HIBADH: variants seen among roughly 807,000 people sequenced by gnomAD.
HIBADH encodes the protein 3-hydroxyisobutyrate dehydrogenase, also known as 3-hydroxyisobutyrate dehydrogenase, mitochondrial.
In HIBADH, 25 loss-of-function variants were observed where a neutral mutation model predicts 36.1. The observed-to-expected ratio is 0.69, with a 90% CI of 0.50 to 0.97. The LOEUF (loss-of-function observed/expected upper bound fraction) is 0.97, where lower values mean the gene tolerates loss of function less well. Ranked by LOEUF, HIBADH falls within the 50% of genes least tolerant of loss-of-function variation. The probability of loss-of-function intolerance (pLI) is 0.00; values close to 1 mark genes in which losing one functional copy is unlikely to be tolerated. For missense variants in HIBADH, 421 were observed against 418.0 expected, an observed-to-expected ratio of 1.01 and a Z score of -0.06; for synonymous variants, 160 against 149.5, an observed-to-expected ratio of 1.07 and a Z score of -0.51.
rs563699380 is a variant in HIBADH at position 27,577,505 on chromosome 7, A to C, written c.485-34405T>G. Among the ~76,000 whole-genome samples, 6 of 152,330 alleles carry C rather than the reference A, an allele frequency of 3.9e-5. No individual in the cohort carries two copies. In the East Asian group the frequency reaches 1.2e-3, roughly 29 times the overall value. ...TAAAATGAATACAAATCTTTTTAAA[A>C]GACCCATATCCTTGTAATAATAATT... On this transcript the variant is annotated intron_variant, in intron 4 of 7. Coordinates refer to ENST00000265395, the MANE Select transcript of HIBADH (RefSeq NM_152740.4).
intron 7 of HIBADH, among the ~76,000 whole-genome samples, chr7:27,527,649 G>C (rs1783923896): frequency 6.6e-6 from 1 of 152,136 alleles, no homozygotes. Flanking sequence ...TTTTCCAACA[G>C]CATGTGCCCA....
intron 4 of HIBADH, among the ~76,000 whole-genome samples, chr7:27,547,942 AAC>A (rs1784257349): frequency 6.6e-6 from 1 of 152,278 alleles, no homozygotes; most frequent in African/African-American, 2.4e-5. Context: ...TGCTTTTTCT[AAC>A]ACTTTCCTGT....
intron 4 of HIBADH, among the ~76,000 whole-genome samples, chr7:27,568,049 T>G (rs950584840): frequency 1.3e-5 from 2 of 152,198 alleles, no homozygotes; most frequent in Admixed American, 6.5e-5. Flanking sequence ...CATTGGTAAT[T>G]TTTAATCACA....
At chr7:27,611,343 T>C (rs1471648504) in intron 4 of HIBADH, among the ~76,000 whole-genome samples, 1 of 152,220 alleles carries the variant, frequency 6.6e-6, no homozygotes, top group Non-Finnish European at 1.5e-5. Flanking sequence ...GCTATAATGA[T>C]GCCCTGGGAG....
At chr7:27,576,697 C>A (rs1330235368) in intron 4 of HIBADH, among the ~76,000 whole-genome samples, 1 of 152,118 alleles carries the variant, frequency 6.6e-6, no homozygotes, top group Non-Finnish European at 1.5e-5. Flanking sequence ...TACTTAGCTC[C>A]TTAAAGTATA....
At chr7:27,556,948 T>C (rs148451983) in intron 4 of HIBADH, among the ~76,000 whole-genome samples, 1 of 152,192 alleles carries the variant, frequency 6.6e-6, no homozygotes, top group Non-Finnish European at 1.5e-5. Flanking sequence ...GAAACCTGCC[T>C]GTGCAACATG....
At chr7:27,526,789 T>A (rs1229565538) in intron 7 of HIBADH, among the ~76,000 whole-genome samples, 1 of 152,186 alleles carries the variant, frequency 6.6e-6, no homozygotes, top group African/African-American at 2.4e-5. Flanking sequence ...ATTTGAAGTG[T>A]GCTGACAATG....
chr7:27,539,715 T>C (rs1453497200), intron 5 of HIBADH, among the ~76,000 whole-genome samples: 3 of 152,156 alleles, frequency 2.0e-5, no homozygotes, highest in Admixed American at 1.3e-4. Flanking sequence ...CAAAAACCCA[T>C]GTATAACTTT....
At chr7:27,566,822 A>G (rs1784554580) in intron 4 of HIBADH, among the ~76,000 whole-genome samples, 1 of 152,118 alleles carries the variant, frequency 6.6e-6, no homozygotes, top group Non-Finnish European at 1.5e-5. Flanking sequence ...GTGTTATTCA[A>G]TTTCCAAATA....
intron 4 of HIBADH, among the ~76,000 whole-genome samples, chr7:27,560,506 T>C (rs2041715): frequency 0.8 from 121,121 of 152,176 alleles, 48,645 homozygotes; most frequent in East Asian, 0.97. Context: ...TGTATAGTGG[T>C]GAAGTCTGAG....
At chr7:27,593,202 T>G (rs1429697256) in intron 4 of HIBADH, among the ~76,000 whole-genome samples, 3 of 152,236 alleles carry the variant, frequency 2.0e-5, no homozygotes, top group Non-Finnish European at 4.4e-5. Context: ...GAGCACTTCC[T>G]CTGAGCATCA....
chr7:27,619,633 T>C (rs112510647), intron 4 of HIBADH, among the ~76,000 whole-genome samples: 3 of 151,834 alleles, frequency 2.0e-5, no homozygotes, highest in Middle Eastern at 3.4e-3. Flanking sequence ...AAGCAACAAG[T>C]AGAAACTCTG....
intron 4 of HIBADH, among the ~76,000 whole-genome samples, chr7:27,590,067 AAAGAAAAC>A (rs1311730458): frequency 6.6e-6 from 1 of 152,188 alleles, no homozygotes; most frequent in Non-Finnish European, 1.5e-5. Flanking sequence ...GGTGAGAAAA[AAAGAAAAC>A]ACCAAAATCT....
In HIBADH at chr7:27,623,514, AC is replaced by A. The variant is rs565188451; in HGVS notation, c.484+5856del. Among the ~76,000 whole-genome samples, 504 of 152,286 alleles carry A rather than the reference AC, an allele frequency of 3.3e-3. 1 individual carries two copies. The highest frequency in any genetic ancestry group is 7.1e-3 in the Admixed American group (109 of 15,292). ...TACACCTAGAAAAACCTAAAACTCA[AC>A]CCAGAAGTCTTAGATTTGATAAATA... On this transcript the variant is annotated intron_variant, in intron 4 of 7. Transcript: ENST00000265395.
intron 1 of HIBADH, 44 bp downstream of exon 1, chr7:27,662,654 G>A (rs2128298731): frequency 3.4e-6 from 4 of 1,181,936 alleles, no homozygotes; most frequent in Non-Finnish European, 4.4e-6. Context: ...GAAGAAGCGA[G>A]CGGCCGAAAG....
intron 4 of HIBADH, among the ~76,000 whole-genome samples, chr7:27,611,506 ACACACC>A (rs1275568027): frequency 8.2e-6 from 1 of 121,660 alleles, no homozygotes; most frequent in Non-Finnish European, 1.7e-5. Flanking sequence ...GCGCACACAC[ACACACC>A]CACCCACCCA....
chr7:27,636,480 C>A (rs1241466129), intron 2 of HIBADH, among the ~76,000 whole-genome samples: 2 of 152,192 alleles, frequency 1.3e-5, no homozygotes, highest in East Asian at 3.8e-4. Flanking sequence ...AATGATGGAG[C>A]CCACTCAGCA....
intron 1 of HIBADH, among the ~76,000 whole-genome samples, chr7:27,660,150 A>C (rs773310430): frequency 1.1e-4 from 17 of 152,256 alleles, no homozygotes; most frequent in Non-Finnish European, 2.4e-4. Flanking sequence ...GCTCCTTATA[A>C]TATTATCATT....
In HIBADH at chr7:27,530,043, T is replaced by C. The variant is rs75016068; in HGVS notation, c.852+1149A>G. ...TTAAGATACGTATATTGTTTAGACA[T>C]AATGCTAATGCACACTTAATAGACT... is the stretch of plus-strand genomic sequence containing the variant. On this transcript the variant is annotated intron_variant, in intron 7 of 7. Transcript: ENST00000265395. Among the ~76,000 whole-genome samples the C allele has an allele frequency of 3.1e-3, 469 of 152,344 alleles. 3 individuals are homozygous for C. Among genetic ancestry groups the C allele is most frequent in the African/African-American group, 0.011 (449 of 41,578 alleles).
Sources: gnomAD v4.1 joint callset for allele counts (sites outside exome capture counted in the v4.1 genomes callset) on GRCh38, gnomAD v4.1.1 for gene constraint, MANE v1.5 for transcripts, NCBI Gene and HGNC (gene_info 2026-07-23, HGNC 2026-07-21) for gene names.